Variants in NKAIN2 observed in about 807,000 individuals in gnomAD.
The protein encoded by NKAIN2 is sodium/potassium transporting ATPase interacting 2, also known as sodium/potassium-transporting ATPase subunit beta-1-interacting protein 2.
NKAIN2 carries 14 observed loss-of-function variants against 32.6 expected under a neutral mutation model. That is an observed-to-expected ratio of 0.43 (90% CI 0.28 to 0.67). NKAIN2 has a LOEUF of 0.67. Ranked by LOEUF, NKAIN2 falls within the 30% of genes least tolerant of loss-of-function variation. The probability of loss-of-function intolerance (pLI) is 0.17; values close to 1 mark genes in which losing one functional copy is unlikely to be tolerated. For synonymous variants in NKAIN2, 80 were observed against 87.2 expected, an observed-to-expected ratio of 0.92 and a Z score of 0.46; for missense variants, 198 against 258.3, an observed-to-expected ratio of 0.77 and a Z score of 1.60.
intron 1 of NKAIN2, among the ~76,000 whole-genome samples, chr6:123,940,625 A>C (rs1326278886): frequency 1.3e-5 from 2 of 152,024 alleles, no homozygotes; most frequent in African/African-American, 4.8e-5. Context: ...TCCTGTATCC[A>C]AACATATCTA....
chr6:124,303,388 G>T (rs185012912), intron 2 of NKAIN2, among the ~76,000 whole-genome samples: 1 of 152,150 alleles, frequency 6.6e-6, no homozygotes, highest in Non-Finnish European at 1.5e-5. Context: ...AAAACAGGTA[G>T]ATCTCTACAC....
intron 3 of NKAIN2, among the ~76,000 whole-genome samples, chr6:124,427,704 G>T (rs1467904829): frequency 6.6e-6 from 1 of 152,054 alleles, no homozygotes; most frequent in African/African-American, 2.4e-5. Flanking sequence ...CCTGAAATAC[G>T]ATCTAAGAAT....
chr6:124,691,880 G>A (rs1397251946), intron 4 of NKAIN2, among the ~76,000 whole-genome samples: 1 of 151,836 alleles, frequency 6.6e-6, no homozygotes, highest in African/African-American at 2.4e-5. Context: ...TTACAATATA[G>A]TTTTTTTTGA....
rs771629877 is a variant in NKAIN2, at chr6:124,550,007, CTT to C, written c.274-108177_274-108176del. Among the ~76,000 whole-genome samples, 6 of 152,182 alleles carry C rather than the reference CTT, an allele frequency of 3.9e-5. No individual in the cohort carries two copies. In the South Asian group the frequency reaches 1.2e-3, roughly 32 times the overall value. On this transcript the variant is annotated intron_variant, in intron 3 of 6. Coordinates refer to ENST00000368417, the MANE Select transcript of NKAIN2 (RefSeq NM_001040214.3). ...GAGACCACGCAAGTTTCTGCTTTCTCTTTATGCTTTTGCCCATGAAGCTTACC... is the reference window on the plus strand; with the variant it reads ...GAGACCACGCAAGTTTCTGCTTTCTCTATGCTTTTGCCCATGAAGCTTACC...
At chr6:124,383,416 G>A (rs1413247219) in intron 3 of NKAIN2, among the ~76,000 whole-genome samples, 2 of 152,056 alleles carry the variant, frequency 1.3e-5, no homozygotes, top group South Asian at 2.1e-4. Flanking sequence ...TGTAAGCTAC[G>A]GAATAAAATC....
chr6:124,296,507 A>G (rs1289417727), intron 2 of NKAIN2, among the ~76,000 whole-genome samples: 2 of 152,152 alleles, frequency 1.3e-5, no homozygotes, highest in Non-Finnish European at 2.9e-5. Context: ...GAGTTCAGAT[A>G]TTCTTTTGAA....
chr6:124,716,645 A>G (rs1287812173), intron 4 of NKAIN2, among the ~76,000 whole-genome samples: 1 of 152,130 alleles, frequency 6.6e-6, no homozygotes, highest in Non-Finnish European at 1.5e-5. Context: ...TTTTTCTTGA[A>G]CATGCCAAGA....
chr6:124,640,834 TTTTTC>T (rs552640397), intron 3 of NKAIN2, among the ~76,000 whole-genome samples: 33 of 152,298 alleles, frequency 2.2e-4, no homozygotes, highest in South Asian at 1.9e-3. Flanking sequence ...CGTTTCCTAT[TTTTTC>T]TTTTCATTTC....
chr6:124,359,026 G>A (rs1385635585), intron 3 of NKAIN2, among the ~76,000 whole-genome samples: 1 of 151,880 alleles, frequency 6.6e-6, no homozygotes, highest in Non-Finnish European at 1.5e-5. Flanking sequence ...TTATTAAATA[G>A]GGAATCCTTT....
At chr6:124,350,647 A>C (rs374761008) in intron 2 of NKAIN2, among the ~76,000 whole-genome samples, 1 of 152,264 alleles carries the variant, frequency 6.6e-6, no homozygotes, top group African/African-American at 2.4e-5. Flanking sequence ...AGGATAGTGC[A>C]TTGTGAGACT....
chr6:124,310,296 A>G lies in NKAIN2; in HGVS notation c.192+27154A>G, dbSNP rs572317786. On this transcript the variant is annotated intron_variant, in intron 2 of 6. Transcript: ENST00000368417. ...TTTTTATTATTTGTGCAGCTGCATT[A>G]TAAGTGCCTTGTATTGCCATGCCTG... Among the ~76,000 whole-genome samples the G allele has an allele frequency of 7.2e-5, 11 of 152,188 alleles. No individual in the cohort carries two copies. The South Asian group carries it at 1.9e-3, about 26-fold the overall frequency.
chr6:123,892,720 G>T (rs1774080961), intron 1 of NKAIN2, among the ~76,000 whole-genome samples: 1 of 151,786 alleles, frequency 6.6e-6, no homozygotes, highest in Non-Finnish European at 1.5e-5. Flanking sequence ...GGAAACAAAT[G>T]TAGATTTGTA....
intron 3 of NKAIN2, among the ~76,000 whole-genome samples, chr6:124,654,080 A>T (rs911411613): frequency 1.3e-5 from 2 of 152,174 alleles, no homozygotes; most frequent in Non-Finnish European, 2.9e-5. Context: ...TACTTCACAC[A>T]TTTCATACTA....
chr6:123,850,060 A>G (rs1462376288), intron 1 of NKAIN2, among the ~76,000 whole-genome samples: 1 of 147,968 alleles, frequency 6.8e-6, no homozygotes, highest in Admixed American at 6.9e-5. Context: ...CTCCTGCCTC[A>G]GTCTTCCAAA....
chr6:124,673,648 A>T (rs1472284750), intron 4 of NKAIN2, among the ~76,000 whole-genome samples: 2 of 151,690 alleles, frequency 1.3e-5, no homozygotes, highest in East Asian at 3.9e-4. Flanking sequence ...GTGATGTTGA[A>T]CTTTTTTCAT....
At chr6:124,576,351 T>TG (rs1458250396) in intron 3 of NKAIN2, among the ~76,000 whole-genome samples, 3 of 152,038 alleles carry the variant, frequency 2.0e-5, no homozygotes, top group Non-Finnish European at 2.9e-5. Flanking sequence ...GCAGATTTTT[T>TG]TGTGAAAATG....
chr6:124,369,880 A>ATTTTTTTTTTTTTTTTTTTTTTT lies in NKAIN2; in HGVS notation c.273+14551_273+14552insTTTTTTTTTTTTTTTTTTTTTTT, dbSNP rs61588781. ...ATTTGCTTTAGAGGGCAGAATGTCA[A>ATTTTTTTTTTTTTTTTTTTTTTT]TTTTTTTTTTTTTTTTTTAACCTGT... is the stretch of plus-strand genomic sequence containing the variant. On this transcript the variant is annotated intron_variant, in intron 3 of 6. Transcript: ENST00000368417. 1.6e-4 allele frequency among the ~76,000 whole-genome samples: 13 copies of ATTTTTTTTTTTTTTTTTTTTTTT among 82,372 alleles called. 1 individual carries two copies. Among genetic ancestry groups the ATTTTTTTTTTTTTTTTTTTTTTT allele is most frequent in the African/African-American group, 6.9e-4 (12 of 17,516 alleles). 54.0% of individuals were successfully genotyped at this position (82,372 alleles called of 152,430 possible). A position where few individuals can be genotyped will look rare whatever the true frequency, so the allele number is the denominator to read the frequency against.
At chr6:124,275,450 T>C (rs961621738) in intron 1 of NKAIN2, among the ~76,000 whole-genome samples, 1 of 149,522 alleles carries the variant, frequency 6.7e-6, no homozygotes, top group Non-Finnish European at 1.5e-5. Flanking sequence ...TCCAATATTT[T>C]CTTGGAAAGC....
intron 1 of NKAIN2, among the ~76,000 whole-genome samples, chr6:124,198,762 A>G (rs986327233): frequency 1.3e-5 from 2 of 151,906 alleles, no homozygotes; most frequent in Non-Finnish European, 1.5e-5. Flanking sequence ...GGGCATTTTT[A>G]TGGTGGTCCA....
Sources: allele counts gnomAD v4.1 joint callset (sites outside exome capture counted in the v4.1 genomes callset), GRCh38; gene constraint gnomAD v4.1.1; transcripts MANE v1.5; gene names NCBI Gene and HGNC (gene_info 2026-07-23, HGNC 2026-07-21).